Variants in SKAP1 observed in about 807,000 individuals in gnomAD.
The protein encoded by SKAP1 is src kinase-associated phosphoprotein 1.
A neutral mutation model predicts 58.5 loss-of-function variants in SKAP1; 44 were observed. The ratio of observed to expected loss-of-function variants is 0.75; its 90% confidence interval spans 0.59 to 0.97. The LOEUF (loss-of-function observed/expected upper bound fraction) is 0.97, where lower values mean the gene tolerates loss of function less well. Ranked by LOEUF, SKAP1 falls within the 50% of genes least tolerant of loss-of-function variation. SKAP1 has a pLI of 0.00. For synonymous variants in SKAP1, 127 were observed against 149.7 expected, an observed-to-expected ratio of 0.85 and a Z score of 1.11; for missense variants, 390 against 435.2, an observed-to-expected ratio of 0.90 and a Z score of 0.92.
chr17:48,383,371 C>T (rs897752573), intron 2 of SKAP1, among the ~76,000 whole-genome samples: 3 of 152,016 alleles, frequency 2.0e-5, no homozygotes, highest in African/African-American at 7.3e-5. Context: ...AAAGGGATAA[C>T]ATCTGAAAAA....
chr17:48,256,824 G>A (rs894090990), intron 4 of SKAP1, among the ~76,000 whole-genome samples: 1 of 152,104 alleles, frequency 6.6e-6, no homozygotes, highest in Non-Finnish European at 1.5e-5. Context: ...ATGGTATGTG[G>A]ATGATGCATT....
chr17:48,299,878 G>A (rs1567858912), intron 4 of SKAP1, among the ~76,000 whole-genome samples: 2 of 152,112 alleles, frequency 1.3e-5, no homozygotes, highest in Non-Finnish European at 2.9e-5. Context: ...GGCACTCCAG[G>A]TGGAAGGCAC....
intron 4 of SKAP1, among the ~76,000 whole-genome samples, chr17:48,255,072 C>T (rs758399557): frequency 1.4e-4 from 22 of 152,032 alleles, no homozygotes; most frequent in South Asian, 4.1e-4. Context: ...AAATGCTGAA[C>T]GTCATCACAG....
intron 10 of SKAP1, among the ~76,000 whole-genome samples, chr17:48,169,906 G>A (rs2064186916): frequency 6.6e-6 from 1 of 152,120 alleles, no homozygotes; most frequent in Non-Finnish European, 1.5e-5. Context: ...CCGACGGAAC[G>A]AATGTCCTTG....
intron 2 of SKAP1, among the ~76,000 whole-genome samples, chr17:48,381,206 T>C (rs540440774): frequency 6.6e-6 from 1 of 152,312 alleles, no homozygotes; most frequent in East Asian, 1.9e-4. Flanking sequence ...CTCCTCAGCT[T>C]ACCTATCACT....
At chr17:48,353,652 T>C (rs2144357450) in intron 3 of SKAP1, among the ~76,000 whole-genome samples, 1 of 152,038 alleles carries the variant, frequency 6.6e-6, no homozygotes, top group Non-Finnish European at 1.5e-5. Flanking sequence ...TTGCAGCACT[T>C]TGGGAGGCCG....
chr17:48,202,088 A>G (rs912166622), intron 4 of SKAP1, among the ~76,000 whole-genome samples: 5 of 152,352 alleles, frequency 3.3e-5, no homozygotes, highest in Admixed American at 2.6e-4. Context: ...GACTCCTGAC[A>G]TCTCTATTTT....
intron 1 of SKAP1, among the ~76,000 whole-genome samples, chr17:48,421,415 C>T (rs893804996): frequency 1.3e-5 from 2 of 151,524 alleles, no homozygotes; most frequent in Non-Finnish European, 2.9e-5. Context: ...GTGATTCTCC[C>T]GCCTCAGCCT....
intron 1 of SKAP1, among the ~76,000 whole-genome samples, chr17:48,426,510 G>A (rs1483286286): frequency 6.6e-6 from 1 of 152,202 alleles, no homozygotes; most frequent in Non-Finnish European, 1.5e-5. Context: ...CCAGGAAGAA[G>A]AGACTGATTA....
At chr17:48,296,580 T>C (rs2065976799) in intron 4 of SKAP1, among the ~76,000 whole-genome samples, 1 of 152,196 alleles carries the variant, frequency 6.6e-6, no homozygotes, top group Non-Finnish European at 1.5e-5. Context: ...TATTCTGGTC[T>C]AACTAAAATT....
chr17:48,380,332 G>A (rs2067199290), intron 2 of SKAP1: 1 of 152,194 alleles, frequency 6.6e-6, no homozygotes, highest in African/African-American at 2.4e-5. Context: ...GAGCTAATCA[G>A]GCTGAAATGT....
At chr17:48,170,728 G>A (rs1365471093) in intron 9 of SKAP1, 69 bp from the exon 10 acceptor site, 7 of 1,199,236 alleles carry the variant, frequency 5.8e-6, no homozygotes, top group South Asian at 2.6e-5. Context: ...TTTTTTTTTC[G>A]AGATAGAGTC....
At chr17:48,205,035 CTT>C (rs57016448) in intron 4 of SKAP1, among the ~76,000 whole-genome samples, 26,874 of 73,662 alleles carry the variant, frequency 0.36, 4,285 homozygotes, top group South Asian at 0.48. Context: ...TTCTTTCTTT[CTT>C]TCTCTCTCTC....
At chr17:48,213,281 CG>C (rs1318034277) in intron 4 of SKAP1, among the ~76,000 whole-genome samples, 2 of 140,932 alleles carry the variant, frequency 1.4e-5, no homozygotes, top group Non-Finnish European at 3.0e-5. Flanking sequence ...TTGAACACCA[CG>C]GAGGTTGCAG....
At chr17:48,317,089 G>T (rs1489481551) in intron 4 of SKAP1, among the ~76,000 whole-genome samples, 1 of 152,116 alleles carries the variant, frequency 6.6e-6, no homozygotes, top group African/African-American at 2.4e-5. Context: ...GGAGCGAAAA[G>T]TGCCAGCCTC....
At chr17:48,140,362 C>CT (rs1206925410) in intron 11 of SKAP1, among the ~76,000 whole-genome samples, 1 of 152,178 alleles carries the variant, frequency 6.6e-6, no homozygotes, top group Non-Finnish European at 1.5e-5. Context: ...ACTTCTACTT[C>CT]TTCTCATTCT....
At chr17:48,412,649 A>G (rs2067679368) in intron 1 of SKAP1, among the ~76,000 whole-genome samples, 1 of 152,194 alleles carries the variant, frequency 6.6e-6, no homozygotes, top group African/African-American at 2.4e-5. Flanking sequence ...AATTTTGAAC[A>G]TCAACTCTTC....
At chr17:48,214,110 A>G (rs1435280994) in intron 4 of SKAP1, among the ~76,000 whole-genome samples, 1 of 152,236 alleles carries the variant, frequency 6.6e-6, no homozygotes, top group Non-Finnish European at 1.5e-5. Context: ...CAGTTTAATA[A>G]TTTGTAAATA....
chr17:48,295,636 C>A (rs1261115505), intron 4 of SKAP1: 1 of 141,620 alleles, frequency 7.1e-6, no homozygotes, highest in African/African-American at 2.6e-5. Flanking sequence ...TTTTTTTTTC[C>A]ATTTTCGCTG....
Sources: allele counts gnomAD v4.1 joint callset (sites outside exome capture counted in the v4.1 genomes callset), GRCh38; gene constraint gnomAD v4.1.1; transcripts MANE v1.5; gene names NCBI Gene and HGNC (gene_info 2026-07-23, HGNC 2026-07-21).